The following PAK5 variants were observed in gnomAD, a reference collection of about 807,000 sequenced individuals.
PAK5 encodes the protein p21 (RAC1) activated kinase 5, also known as serine/threonine-protein kinase PAK 5.
Under a neutral mutation model 65.9 loss-of-function variants are expected in PAK5, and 16 were observed. The ratio of observed to expected loss-of-function variants is 0.24; its 90% CI spans 0.16 to 0.37. The LOEUF (loss-of-function observed/expected upper bound fraction) is 0.37. Among genes scored for constraint, PAK5 ranks in the 10% least tolerant of loss-of-function variants. The probability of loss-of-function intolerance (pLI) is 1.00; values close to 1 mark genes in which losing one functional copy is unlikely to be tolerated. For missense variants in PAK5, 785 were observed against 903.9 expected, an observed-to-expected ratio of 0.87 and a Z score of 1.69; for synonymous variants, 371 against 354.9, an observed-to-expected ratio of 1.05 and a Z score of -0.51.
chr20:9,658,610 TAGAGA>T (rs1569024730), intron 2 of PAK5, among the ~76,000 whole-genome samples: 164 of 152,218 alleles, frequency 1.1e-3, no homozygotes, highest in African/African-American at 3.6e-3. Flanking sequence ...CTGTGAGACA[TAGAGA>T]ATTAGGATTA....
chr20:9,725,869 TA>T (rs535656018), intron 1 of PAK5, among the ~76,000 whole-genome samples: 3 of 152,128 alleles, frequency 2.0e-5, no homozygotes, highest in Non-Finnish European at 2.9e-5. Context: ...TTGATAATGC[TA>T]AAAAAAGTAT....
intron 1 of PAK5, among the ~76,000 whole-genome samples, chr20:9,836,550 G>A (rs1289504658): frequency 6.6e-6 from 1 of 152,172 alleles, no homozygotes; most frequent in Non-Finnish European, 1.5e-5. Context: ...AGAGGTTTTG[G>A]AGGGTGCATG....
At chr20:9,764,476 G>A (rs971236105) in intron 1 of PAK5, among the ~76,000 whole-genome samples, 4 of 152,148 alleles carry the variant, frequency 2.6e-5, no homozygotes, top group Non-Finnish European at 4.4e-5. Context: ...AGTAATAAAT[G>A]TGGGTATATC....
chr20:9,598,433 T>C (rs1304818943), intron 3 of PAK5, among the ~76,000 whole-genome samples: 2 of 152,202 alleles, frequency 1.3e-5, no homozygotes, highest in Non-Finnish European at 2.9e-5. Flanking sequence ...CATACATGTA[T>C]CTTTATAATA....
chr20:9,597,463 G>A (rs1439050516), intron 3 of PAK5, among the ~76,000 whole-genome samples: 1 of 152,144 alleles, frequency 6.6e-6, no homozygotes, highest in Non-Finnish European at 1.5e-5. Flanking sequence ...TTACTTACAT[G>A]AGCACATCCT....
intron 3 of PAK5, among the ~76,000 whole-genome samples, chr20:9,622,138 C>T (rs1209071711): frequency 6.6e-6 from 1 of 152,096 alleles, no homozygotes; most frequent in African/African-American, 2.4e-5. Context: ...AAACCAAAAC[C>T]AAATATATAC....
At chr20:9,744,330 C>A (rs2048483103) in intron 1 of PAK5, among the ~76,000 whole-genome samples, 1 of 152,134 alleles carries the variant, frequency 6.6e-6, no homozygotes, top group South Asian at 2.1e-4. Flanking sequence ...TAAACAAAAA[C>A]CCAAGTAAGC....
At chr20:9,594,562 A>T (rs984019744) in intron 3 of PAK5, among the ~76,000 whole-genome samples, 1 of 152,220 alleles carries the variant, frequency 6.6e-6, no homozygotes, top group Non-Finnish European at 1.5e-5. Context: ...AGGAAATTTC[A>T]CTGATTGTCT....
chr20:9,625,979 G>T (rs2046838448), intron 3 of PAK5, among the ~76,000 whole-genome samples: 1 of 152,188 alleles, frequency 6.6e-6, no homozygotes, highest in Non-Finnish European at 1.5e-5. Flanking sequence ...GACTGCAGGT[G>T]CCACCAGCTA....
chr20:9,637,800 T>C (rs1293951229), intron 3 of PAK5, among the ~76,000 whole-genome samples: 2 of 152,160 alleles, frequency 1.3e-5, no homozygotes, highest in Non-Finnish European at 2.9e-5. Context: ...TACCTGAAAA[T>C]TAAAAAGAAA....
intron 2 of PAK5, among the ~76,000 whole-genome samples, chr20:9,699,532 A>G (rs1194174309): frequency 6.8e-6 from 1 of 147,086 alleles, no homozygotes; most frequent in East Asian, 2.0e-4. Context: ...GAGGGAAAAG[A>G]GAAGGGTTAT....
intron 7 of PAK5, 92 bp from the exon 8 acceptor site, chr20:9,544,586 C>T: frequency 8.2e-7 from 1 of 1,225,440 alleles, no homozygotes; most frequent in South Asian, 1.3e-5. Flanking sequence ...AAATTTAAAA[C>T]AAAACAGTCT....
At chr20:9,680,991 AAC>A (rs1282517349) in intron 2 of PAK5, among the ~76,000 whole-genome samples, 4 of 152,214 alleles carry the variant, frequency 2.6e-5, no homozygotes, top group Non-Finnish European at 4.4e-5. Context: ...TGGTTTGTTT[AAC>A]AGTTACCAAG....
chr20:9,626,543 A>G (rs1459823526), intron 3 of PAK5, among the ~76,000 whole-genome samples: 1 of 152,218 alleles, frequency 6.6e-6, no homozygotes, highest in Admixed American at 6.5e-5. Flanking sequence ...AAAACAAACA[A>G]ACAAAAAGTC....
chr20:9,781,458 T>C (rs140729939), intron 1 of PAK5, among the ~76,000 whole-genome samples: 18 of 152,264 alleles, frequency 1.2e-4, no homozygotes, highest in East Asian at 5.8e-4. Context: ...CACACCATAT[T>C]TGTGTAAACT....
At chr20:9,804,907 C>A (rs1480155865) in intron 1 of PAK5, among the ~76,000 whole-genome samples, 1 of 151,834 alleles carries the variant, frequency 6.6e-6, no homozygotes, top group African/African-American at 2.4e-5. Context: ...AACAAACAAA[C>A]AAAAACAGCA....
At chr20:9,662,000 G>T (rs1392434432) in intron 2 of PAK5, among the ~76,000 whole-genome samples, 1 of 152,058 alleles carries the variant, frequency 6.6e-6, no homozygotes, top group African/African-American at 2.4e-5. Flanking sequence ...AAGACAGAAG[G>T]CCCTTCAGAT....
chr20:9,584,469 C>A (rs1414366796), intron 3 of PAK5, among the ~76,000 whole-genome samples: 1 of 152,304 alleles, frequency 6.6e-6, no homozygotes, highest in African/African-American at 2.4e-5. Flanking sequence ...CTCACCACCA[C>A]GCCTGGCTAG....
In PAK5 at chr20:9,644,102, C is replaced by T. The variant is rs1397637731; in HGVS notation, c.204+23G>A. 4 of 1,588,800 alleles carry T rather than the reference C, an allele frequency of 2.5e-6. No homozygotes were observed. In the East Asian group the frequency reaches 6.7e-5, roughly 27 times the overall value. ...TAAGAGCATGATTCTTAAGCCCAGC[C>T]AAAGATGGAGCCCTCACCATACCTT... On this transcript the variant is annotated intron_variant, in intron 3 of 9. Transcript: ENST00000353224.
Sources: allele counts gnomAD v4.1 joint callset (sites outside exome capture counted in the v4.1 genomes callset), GRCh38; gene constraint gnomAD v4.1.1; transcripts MANE v1.5; gene names NCBI Gene and HGNC (gene_info 2026-07-23, HGNC 2026-07-21).